Variants in FAM53A observed in about 807,000 individuals in gnomAD.
FAM53A encodes the protein family with sequence similarity 53 member A.
In FAM53A, 28 loss-of-function variants were observed where a neutral mutation model predicts 26.6. That is an observed-to-expected ratio of 1.05 (90% CI 0.78 to 1.45). FAM53A has a LOEUF of 1.45. FAM53A is among the 40% of genes most tolerant of loss of function. The probability of loss-of-function intolerance (pLI) is 0.00; values close to 1 mark genes in which losing one functional copy is unlikely to be tolerated. For missense variants in FAM53A, 650 were observed against 575.8 expected, an observed-to-expected ratio of 1.13 and a Z score of -1.32; for synonymous variants, 290 against 253.1, an observed-to-expected ratio of 1.15 and a Z score of -1.38.
At chr4:1,619,931 C>A (rs1714955115) in intron 1 of FAM53A, among the ~76,000 whole-genome samples, 1 of 152,190 alleles carries the variant, frequency 6.6e-6, no homozygotes, top group African/African-American at 2.4e-5. Flanking sequence ...ACAAGTCAGC[C>A]GGGCGTGGTG....
downstream of FAM53A, among the ~76,000 whole-genome samples, chr4:1,637,041 G>C (rs753591356): frequency 2.0e-5 from 3 of 152,208 alleles, no homozygotes; most frequent in Non-Finnish European, 4.4e-5. Context: ...ACCAGAGCAC[G>C]GGCAGGCTCC....
At chr4:1,652,626 C>A (rs1712958161) in intron 4 of FAM53A, among the ~76,000 whole-genome samples, 1 of 146,834 alleles carries the variant, frequency 6.8e-6, no homozygotes, top group South Asian at 2.2e-4. Context: ...CACACACACA[C>A]CAGACACACC....
At chr4:1,652,099 T>C (rs371275449) in intron 4 of FAM53A, among the ~76,000 whole-genome samples, 1,523 of 57,200 alleles carry the variant, frequency 0.027, 42 homozygotes, top group African/African-American at 0.092. Flanking sequence ...ACACATACCA[T>C]ACACACCAGA....
At position 1,655,168 on chromosome 4, in the gene FAM53A, C is replaced by A; in HGVS notation, c.692G>T (p.Gly231Val). The change falls in exon 4 of 5, where the codon GGT (glycine) becomes GTT (valine). Residue 231 changes from glycine (G) to valine (V), a missense_variant. Coordinates refer to ENST00000308132, the MANE Select transcript of FAM53A (RefSeq NM_001174070.3). ...RPSLSQERLA[G>V]AGTPLPWASS... ...GGCCCAGGGCAGGGGAGTGCCCGCA[C>A]CCGCGAGTCGCTCCTGTGAGAGGGA... The A allele has an allele frequency of 6.4e-7, 1 of 1,573,332 alleles. No individual in the cohort carries two copies.
intron 1 of FAM53A, among the ~76,000 whole-genome samples, chr4:1,619,681 C>T (rs369457481): frequency 3.3e-5 from 5 of 152,252 alleles, no homozygotes; most frequent in Admixed American, 1.3e-4. Context: ...ACCGGCCTTG[C>T]GCTTTGTCTT....
At chr4:1,593,276 C>T in the FAM53A span, among the ~76,000 whole-genome samples, 5 of 151,726 alleles carry the variant, frequency 3.3e-5, no homozygotes, top group Non-Finnish European at 7.4e-5. Flanking sequence ...CACGTCCCCG[C>T]GCGCCCGCAG....
the FAM53A span, among the ~76,000 whole-genome samples, chr4:1,604,383 G>A: frequency 6.6e-6 from 1 of 152,180 alleles, no homozygotes. Flanking sequence ...CTGTTTGAGG[G>A]CGCAGACCTG....
intron 1 of FAM53A, among the ~76,000 whole-genome samples, chr4:1,673,306 C>T (rs746249734): frequency 4.6e-5 from 7 of 152,220 alleles, no homozygotes; most frequent in Non-Finnish European, 1.0e-4. Flanking sequence ...CCATGCCACA[C>T]TGATGCCACA....
chr4:1,584,784 A>G, the FAM53A span, among the ~76,000 whole-genome samples: 1 of 152,266 alleles, frequency 6.6e-6, no homozygotes, highest in Admixed American at 6.5e-5. Flanking sequence ...AAGTGTCCCA[A>G]GAGGACAGGC....
chr4:1,634,636 G>A (rs920160907), intron 1 of FAM53A, among the ~76,000 whole-genome samples: 10 of 152,116 alleles, frequency 6.6e-5, no homozygotes, highest in Admixed American at 1.3e-4. Flanking sequence ...GGTGGCTCAC[G>A]CCTGTAATAC....
chr4:1,581,942 G>T, the FAM53A span, among the ~76,000 whole-genome samples: 56 of 151,682 alleles, frequency 3.7e-4, no homozygotes, highest in Non-Finnish European at 5.7e-4. Flanking sequence ...GGGTGTGAGT[G>T]CAGTGGTGTG....
At chr4:1,608,289 G>A in the FAM53A span, among the ~76,000 whole-genome samples, 364 of 152,052 alleles carry the variant, frequency 2.4e-3, 1 homozygote, top group Non-Finnish European at 3.9e-3. Flanking sequence ...CACCCCAGGC[G>A]GCCCCTCCTG....
At chr4:1,656,253 G>A (rs1225579277) in intron 3 of FAM53A, among the ~76,000 whole-genome samples, 4 of 152,188 alleles carry the variant, frequency 2.6e-5, no homozygotes, top group Non-Finnish European at 5.9e-5. Flanking sequence ...GTCCAGGCCT[G>A]GAGCCCCTTC....
At chr4:1,585,171 GT>G in the FAM53A span, among the ~76,000 whole-genome samples, 1 of 151,420 alleles carries the variant, frequency 6.6e-6, no homozygotes. Context: ...ATTAATTATA[GT>G]CACACGTTGT....
chr4:1,593,111 C>T, the FAM53A span, among the ~76,000 whole-genome samples: 1 of 152,166 alleles, frequency 6.6e-6, no homozygotes, highest in Non-Finnish European at 1.5e-5. Flanking sequence ...GGGACACAGG[C>T]GTCCTGTGCG....
downstream of FAM53A, among the ~76,000 whole-genome samples, chr4:1,635,988 C>T (rs1715822433): frequency 6.6e-6 from 1 of 152,018 alleles, no homozygotes. Context: ...GGACTACAGG[C>T]ACCCGCCACC....
rs138631625 is a variant in FAM53A at position 1,633,294 on chromosome 4, A to G, written c.432-15183T>C. 3.4e-3 allele frequency among the ~76,000 whole-genome samples: 522 copies of G among 152,362 alleles called. 4 individuals are homozygous for G. The highest frequency in any genetic ancestry group is 0.012 in the African/African-American group (502 of 41,578). On this transcript the variant is annotated intron_variant, in intron 1 of 1. Coordinates refer to the FAM53A transcript ENST00000489029. Reference sequence around the variant, plus strand: ...AACCTAGAAATGAATGCAAAGGTCTAAAGAAGCAGCCAGATGATTTGAAAG... The same window carrying G: ...AACCTAGAAATGAATGCAAAGGTCTGAAGAAGCAGCCAGATGATTTGAAAG...
chr4:1,651,209 C>T lies in FAM53A; in HGVS notation c.882+3769G>A, dbSNP rs546935347. Among the ~76,000 whole-genome samples the T allele has an allele frequency of 1.2e-4, 16 of 132,256 alleles. No individual in the cohort carries two copies. The South Asian group carries it at 2.0e-3, about 16-fold the overall frequency. 86.8% of individuals were successfully genotyped at this position (132,256 alleles called of 152,430 possible). On this transcript the variant is annotated intron_variant, in intron 4 of 4. Transcript: ENST00000308132. ...CATTGCTCACCAGCCTGGGACAGAGCGAGACTCCATCTCGAAAAAAAAAAA... is the reference window on the plus strand; with the variant it reads ...CATTGCTCACCAGCCTGGGACAGAGTGAGACTCCATCTCGAAAAAAAAAAA...
chr4:1,646,651 C>T (rs1214333155), intron 4 of FAM53A, among the ~76,000 whole-genome samples: 1 of 152,116 alleles, frequency 6.6e-6, no homozygotes, highest in Non-Finnish European at 1.5e-5. Flanking sequence ...CTCACTAAAC[C>T]CAAGACCTCC....
Sources: gnomAD v4.1 joint callset for allele counts (sites outside exome capture counted in the v4.1 genomes callset) on GRCh38, gnomAD v4.1.1 for gene constraint, MANE v1.5 for transcripts, NCBI Gene and HGNC (gene_info 2026-07-23, HGNC 2026-07-21) for gene names.